The following LHFPL6 variants were observed in gnomAD, a reference collection of about 807,000 sequenced individuals.
LHFPL6 encodes the protein LHFPL tetraspan subfamily member 6 protein.
In LHFPL6, 9 loss-of-function variants were observed where a neutral mutation model predicts 20.6. The ratio of observed to expected loss-of-function variants is 0.44; its 90% CI spans 0.26 to 0.76. LHFPL6 has a LOEUF of 0.76. Among genes scored for constraint, LHFPL6 ranks in the 30% least tolerant of loss-of-function variants. The pLI is 0.20. For missense variants in LHFPL6, 218 were observed against 253.5 expected (o/e 0.86, Z 0.95); for synonymous variants, 105 against 98.7 (o/e 1.06, Z -0.38).
intron 2 of LHFPL6, among the ~76,000 whole-genome samples, chr13:39,404,787 G>A (rs1871078822): frequency 6.6e-6 from 1 of 152,064 alleles, no homozygotes; most frequent in Admixed American, 6.6e-5. Flanking sequence ...CTCCTAGATG[G>A]TGTACCCTAT....
rs544708152 is a variant in LHFPL6, at chr13:39,483,207, T to C, written c.386-104681A>G. Among the ~76,000 whole-genome samples, 12 of 149,010 alleles carry C rather than the reference T, an allele frequency of 8.1e-5. No individual in the cohort carries two copies. The South Asian group carries it at 2.6e-3, about 33-fold the overall frequency. ...TAGTAATGTTATACAAGTGATTTAT[T>C]TGAACTTACATTAAAAAGAGGAAAA... On this transcript the variant is annotated intron_variant, in intron 2 of 3. Coordinates refer to ENST00000379589, the MANE Select transcript of LHFPL6 (RefSeq NM_005780.3).
intron 2 of LHFPL6, among the ~76,000 whole-genome samples, chr13:39,496,517 AC>A (rs879388115): frequency 3.9e-5 from 6 of 152,150 alleles, no homozygotes; most frequent in Non-Finnish European, 7.4e-5. Flanking sequence ...CTCTTTCAAA[AC>A]CCAGCACTTA....
At chr13:39,410,866 C>T (rs1258572690) in intron 2 of LHFPL6, among the ~76,000 whole-genome samples, 2 of 152,142 alleles carry the variant, frequency 1.3e-5, no homozygotes, top group Non-Finnish European at 2.9e-5. Flanking sequence ...TCAATCTTTG[C>T]AGGGAAAAAG....
At chr13:39,525,089 T>A (rs1039438919) in intron 2 of LHFPL6, among the ~76,000 whole-genome samples, 2 of 152,168 alleles carry the variant, frequency 1.3e-5, no homozygotes, top group Non-Finnish European at 2.9e-5. Flanking sequence ...CTATGATAAA[T>A]GCTCAGGGCG....
intron 2 of LHFPL6, among the ~76,000 whole-genome samples, chr13:39,380,785 G>A (rs1870417543): frequency 6.6e-6 from 1 of 151,994 alleles, no homozygotes; most frequent in Admixed American, 6.6e-5. Context: ...GAACCACTGT[G>A]CCCGGCCTAG....
At chr13:39,457,382 A>G (rs752017973) in intron 2 of LHFPL6, among the ~76,000 whole-genome samples, 9 of 152,338 alleles carry the variant, frequency 5.9e-5, no homozygotes, top group Non-Finnish European at 1.0e-4. Context: ...AAAGAAGTTC[A>G]ACATCACTAG....
At chr13:39,407,515 A>C (rs548399520) in intron 2 of LHFPL6, among the ~76,000 whole-genome samples, 2 of 152,346 alleles carry the variant, frequency 1.3e-5, no homozygotes, top group Admixed American at 1.3e-4. Flanking sequence ...ACATCTTAGA[A>C]ATTGAAAACT....
chr13:39,543,661 T>G (rs1172608882), intron 2 of LHFPL6, among the ~76,000 whole-genome samples: 1 of 151,986 alleles, frequency 6.6e-6, no homozygotes, highest in African/African-American at 2.4e-5. Context: ...AAAGAGTATC[T>G]ACAAGAAATT....
chr13:39,444,110 C>T (rs79530129), intron 2 of LHFPL6, among the ~76,000 whole-genome samples: 3,353 of 152,230 alleles, frequency 0.022, 54 homozygotes, highest in Non-Finnish European at 0.032. Context: ...GGAATTATGT[C>T]CATGTCCTAG....
At chr13:39,537,310 A>T (rs1280649526) in intron 2 of LHFPL6, among the ~76,000 whole-genome samples, 4 of 152,196 alleles carry the variant, frequency 2.6e-5, no homozygotes, top group Non-Finnish European at 5.9e-5. Context: ...TTGGGTATAA[A>T]ACACAAGTTT....
intron 2 of LHFPL6, among the ~76,000 whole-genome samples, chr13:39,434,919 G>T (rs554893036): frequency 2.6e-5 from 4 of 151,556 alleles, no homozygotes; most frequent in Admixed American, 6.6e-5. Flanking sequence ...AGCCGGGCGC[G>T]GTGGCGGGCG....
At chr13:39,519,318 G>A (rs927689734) in intron 2 of LHFPL6, among the ~76,000 whole-genome samples, 17 of 152,294 alleles carry the variant, frequency 1.1e-4, no homozygotes, top group Admixed American at 7.2e-4. Flanking sequence ...TTTGCTTACA[G>A]TAGAAATTCT....
chr13:39,511,872 C>T (rs1176015297), intron 2 of LHFPL6, among the ~76,000 whole-genome samples: 2 of 152,142 alleles, frequency 1.3e-5, no homozygotes, highest in Admixed American at 6.6e-5. Context: ...TGATAATAAT[C>T]CTCACATAGG....
intron 2 of LHFPL6, among the ~76,000 whole-genome samples, chr13:39,520,608 G>C (rs1186007911): frequency 1.3e-5 from 2 of 152,212 alleles, no homozygotes; most frequent in African/African-American, 4.8e-5. Context: ...CCTGTTATCA[G>C]AACTGTGGTC....
chr13:39,557,913 C>A (rs529985188), intron 2 of LHFPL6, among the ~76,000 whole-genome samples: 28 of 152,244 alleles, frequency 1.8e-4, no homozygotes, highest in Admixed American at 7.8e-4. Flanking sequence ...TGGAGCTCCC[C>A]CTTTGCTCTC....
chr13:39,429,924 C>T (rs1178007031), intron 2 of LHFPL6, among the ~76,000 whole-genome samples: 1 of 152,326 alleles, frequency 6.6e-6, no homozygotes, highest in African/African-American at 2.4e-5. Flanking sequence ...CTTTCCCTGG[C>T]TTGTAGGGCA....
intron 2 of LHFPL6, among the ~76,000 whole-genome samples, chr13:39,454,964 T>C (rs904705884): frequency 1.3e-5 from 2 of 152,202 alleles, no homozygotes; most frequent in Non-Finnish European, 2.9e-5. Context: ...TTTTTTACTT[T>C]TATTATTTCC....
At chr13:39,520,522 C>A (rs1455868406) in intron 2 of LHFPL6, among the ~76,000 whole-genome samples, 1 of 152,144 alleles carries the variant, frequency 6.6e-6, no homozygotes, top group Non-Finnish European at 1.5e-5. Context: ...AAAAAAGAGT[C>A]CAAGTCTTCC....
At chr13:39,391,913 A>G (rs914734267) in intron 2 of LHFPL6, among the ~76,000 whole-genome samples, 2 of 152,262 alleles carry the variant, frequency 1.3e-5, no homozygotes, top group Non-Finnish European at 2.9e-5. Flanking sequence ...GACAGACAGC[A>G]GTATGGAAGC....
Sources: gnomAD v4.1 joint callset for allele counts (sites outside exome capture counted in the v4.1 genomes callset) on GRCh38, gnomAD v4.1.1 for gene constraint, MANE v1.5 for transcripts, NCBI Gene and HGNC (gene_info 2026-07-23, HGNC 2026-07-21) for gene names.